IL13RA1: variants seen among roughly 807,000 people sequenced by gnomAD.
IL13RA1 encodes the protein interleukin 13 receptor subunit alpha 1, also known as interleukin-13 receptor subunit alpha-1.
A neutral mutation model predicts 33.8 loss-of-function variants in IL13RA1; 14 were observed. That is an observed-to-expected ratio of 0.41 (90% CI 0.27 to 0.65). The LOEUF (loss-of-function observed/expected upper bound fraction) is 0.65, where lower values mean the gene tolerates loss of function less well. Among genes scored for constraint, IL13RA1 ranks in the 30% least tolerant of loss-of-function variants. The pLI, the probability that IL13RA1 is intolerant of heterozygous loss-of-function variation, is 0.28. For synonymous variants in IL13RA1, 116 were observed against 115.7 expected, an observed-to-expected ratio of 1.00 and a Z score of -0.02; for missense variants, 313 against 327.0, an observed-to-expected ratio of 0.96 and a Z score of 0.33.
Position 118,757,968 on chromosome X carries a change from G to A in IL13RA1, c.489-87G>A, listed in dbSNP as rs770967051. The A allele has an allele frequency of 9.1e-6, 5 of 550,387 alleles. No individual in the cohort carries two copies. In the East Asian group the frequency reaches 1.3e-4, roughly 15 times the overall value. 45.4% of individuals were successfully genotyped at this position (550,387 alleles called of 1,213,427 possible). A position where few individuals can be genotyped will look rare whatever the true frequency, so the allele number is the denominator to read the frequency against. ...AGCCTCCAAAAGTGCTGGGATTACA[G>A]GTGTGAGCCACCGCGCCCAGCCTGC... On this transcript the variant is annotated intron_variant, in intron 4 of 10. Coordinates refer to ENST00000371666, the MANE Select transcript of IL13RA1 (RefSeq NM_001560.3).
At chrX:118,727,791 A>G in intron 1 of IL13RA1, 65 bp downstream of exon 1, 1 of 523,848 alleles carries the variant, frequency 1.9e-6, no homozygotes, top group Non-Finnish European at 2.6e-6. Flanking sequence ...GTCACGGCTG[A>G]AAGGCCCCGG....
chrX:118,744,006 C>T (rs1426376279), intron 2 of IL13RA1, among the ~76,000 whole-genome samples: 1 of 111,215 alleles, frequency 9.0e-6, no homozygotes, highest in Non-Finnish European at 1.9e-5. Context: ...GTTAGCCAGG[C>T]GTGGTGGTGT....
At chrX:118,752,944 G>A (rs944139967) in intron 4 of IL13RA1, among the ~76,000 whole-genome samples, 7 of 112,120 alleles carry the variant, frequency 6.2e-5, no homozygotes, top group African/African-American at 1.6e-4. Context: ...AGGGAGAGCT[G>A]TTACACAGGC....
Position 118,776,432 on chromosome X carries a change from A to G in IL13RA1, c.1112A>G (p.Lys371Arg), listed in dbSNP as rs1485635215. The G allele has an allele frequency of 1.1e-6, 1 of 941,429 alleles. No individual in the cohort carries two copies. Among genetic ancestry groups the G allele is most frequent in the Admixed American group, 2.2e-5 (1 of 44,487 alleles). The allele number at this position is 941,429 out of a possible 1,213,427, so 77.6% of individuals were successfully genotyped here. Reference protein sequence around the residue: ...IVLLLYLKRLKIIIFPPIPDP... With the variant: ...IVLLLYLKRLRIIIFPPIPDP... ...ATGTCTCTGTTTTCTTAAAGGCTCAAGATTATTATATTCCCTCCAATTCCT... is the reference window on the plus strand; with the variant it reads ...ATGTCTCTGTTTTCTTAAAGGCTCAGGATTATTATATTCCCTCCAATTCCT... Residue 371 changes from lysine (K) to arginine (R), a missense_variant, in exon 10 of 11, where the codon AAG (lysine) becomes AGG (arginine). Transcript: ENST00000371666.
intron 6 of IL13RA1, 138 bp downstream of exon 6, chrX:118,761,427 A>G (rs866307579): frequency 8.4e-5 from 30 of 355,184 alleles, no homozygotes; most frequent in African/African-American, 6.9e-4. Context: ...TGTCTAAAAT[A>G]AGGCATGGTG....
intron 9 of IL13RA1, among the ~76,000 whole-genome samples, chrX:118,774,275 G>T (rs1475751310): frequency 9.3e-6 from 1 of 107,226 alleles, no homozygotes; most frequent in Admixed American, 1.0e-4. Context: ...TCAGCCTCCC[G>T]AGTAGCTGCG....
intron 2 of IL13RA1, among the ~76,000 whole-genome samples, chrX:118,741,560 T>C (rs939487461): frequency 3.6e-5 from 4 of 111,684 alleles, no homozygotes; most frequent in African/African-American, 1.3e-4. Flanking sequence ...ACAGGCACTA[T>C]GTGGTGTAAA....
downstream of IL13RA1, among the ~76,000 whole-genome samples, chrX:118,796,186 C>T (rs1279599410): frequency 1.8e-5 from 2 of 112,396 alleles, no homozygotes; most frequent in Non-Finnish European, 1.9e-5. Flanking sequence ...TTCTGAGTGG[C>T]TCCTATGTGC....
At chrX:118,739,573 A>C (rs1371915123) in intron 1 of IL13RA1, among the ~76,000 whole-genome samples, 2 of 112,025 alleles carry the variant, frequency 1.8e-5, no homozygotes, top group African/African-American at 6.5e-5. Flanking sequence ...ATTTTAATAA[A>C]CTTCTATGTT....
downstream of IL13RA1, among the ~76,000 whole-genome samples, chrX:118,798,797 G>C (rs952874989): frequency 3.5e-5 from 4 of 112,795 alleles, no homozygotes; most frequent in African/African-American, 1.3e-4. Context: ...CGTGCTGGCA[G>C]TCCTCACAGC....
chrX:118,728,848 G>T (rs1479536058), intron 1 of IL13RA1, among the ~76,000 whole-genome samples: 1 of 111,362 alleles, frequency 9.0e-6, no homozygotes. Flanking sequence ...ATGTCTGAGG[G>T]TGTTAAGTAG....
rs142037578 is a variant in IL13RA1 at position 118,791,810 on chromosome X, G to A, written c.1240G>A (p.Asp414Asn). 5.6e-6 allele frequency: 6 copies of A among 1,077,672 alleles called. No individual in the cohort carries two copies. Among genetic ancestry groups the A allele is most frequent in the African/African-American group, 5.5e-5 (3 of 54,382 alleles). 88.8% of individuals were successfully genotyped at this position (1,077,672 alleles called of 1,213,427 possible). The change falls in exon 11 of 11, where the codon GAC becomes AAC. Residue 414 changes from aspartate (D) to asparagine (N), a missense_variant. By Grantham distance (23) the Asp-to-Asn change is conservative. Coordinates refer to ENST00000371666, the MANE Select transcript of IL13RA1 (RefSeq NM_001560.3). ...IYEKQTKEET[D>N]SVVLIENLKK... is the part of the protein sequence containing the mutation. ...TGAGAAGCAAACCAAGGAGGAAACC[G>A]ACTCTGTAGTGCTGATAGAAAACCT...
chrX:118,743,572 G>A (rs973066819), intron 2 of IL13RA1, among the ~76,000 whole-genome samples: 8 of 111,844 alleles, frequency 7.2e-5, no homozygotes, highest in African/African-American at 2.3e-4. Flanking sequence ...GTCCCATTAG[G>A]CAAACTAATC....
chrX:118,764,663 CTATT>C (rs1370337275), intron 6 of IL13RA1, among the ~76,000 whole-genome samples: 22 of 111,638 alleles, frequency 2.0e-4, no homozygotes, highest in Admixed American at 9.5e-4. Context: ...TAGAAGTTGA[CTATT>C]TAAGCAACAG....
the IL13RA1 span, among the ~76,000 whole-genome samples, chrX:118,802,160 C>T: frequency 9.0e-6 from 1 of 111,283 alleles, no homozygotes; most frequent in African/African-American, 3.3e-5. Flanking sequence ...CCAAATAAGG[C>T]TGGCCAGTAC....
chrX:118,728,397 C>T (rs1221001733), intron 1 of IL13RA1, among the ~76,000 whole-genome samples: 1 of 111,947 alleles, frequency 8.9e-6, no homozygotes, highest in Non-Finnish European at 1.9e-5. Context: ...CTTTAATAAA[C>T]CTTATATTTT....
chrX:118,775,840 C>T (rs1451470141), intron 9 of IL13RA1, among the ~76,000 whole-genome samples: 2 of 111,341 alleles, frequency 1.8e-5, no homozygotes, highest in Admixed American at 9.6e-5. Flanking sequence ...GTTAAATAAG[C>T]GATTTTGTGC....
chrX:118,736,867 TCCTGCCTCGG>T (rs1042526009), intron 1 of IL13RA1, among the ~76,000 whole-genome samples: 1 of 112,982 alleles, frequency 8.9e-6, no homozygotes, highest in African/African-American at 3.2e-5. Context: ...CAAGTAATCC[TCCTGCCTCGG>T]CCTACCGAAG....
intron 10 of IL13RA1, among the ~76,000 whole-genome samples, chrX:118,784,549 C>G (rs747476517): frequency 9.0e-6 from 1 of 111,494 alleles, no homozygotes; most frequent in South Asian, 3.8e-4. Context: ...TGTTGAACAT[C>G]TCCATTGTGT....
Sources: allele counts gnomAD v4.1 joint callset (sites outside exome capture counted in the v4.1 genomes callset), GRCh38; gene constraint gnomAD v4.1.1; transcripts MANE v1.5; gene names NCBI Gene and HGNC (gene_info 2026-07-23, HGNC 2026-07-21).